Variants in ERBB4 observed in about 807,000 individuals in gnomAD.
ERBB4 encodes the protein erb-b2 receptor tyrosine kinase 4.
In ERBB4, 42 loss-of-function variants were observed where a neutral mutation model predicts 158.0. The ratio of observed to expected loss-of-function variants is 0.27; its 90% confidence interval spans 0.21 to 0.34. ERBB4 has a LOEUF of 0.34. Ranked by LOEUF, ERBB4 falls within the 10% of genes least tolerant of loss-of-function variation. The pLI is 1.00. For synonymous variants in ERBB4, 583 were observed against 558.7 expected (o/e 1.04, Z -0.61); for missense variants, 1,333 against 1,624.1 (o/e 0.82, Z 3.08).
At chr2:211,551,182 G>A (rs761540264) in intron 20 of ERBB4, among the ~76,000 whole-genome samples, 1 of 152,150 alleles carries the variant, frequency 6.6e-6, no homozygotes, top group Non-Finnish European at 1.5e-5. Flanking sequence ...CCCTGGTAGA[G>A]TCACTGAAGC....
At chr2:211,735,222 TA>T (rs67997650) in intron 5 of ERBB4, among the ~76,000 whole-genome samples, 5 of 150,428 alleles carry the variant, frequency 3.3e-5, no homozygotes, top group South Asian at 2.1e-4. Flanking sequence ...CACATGAATT[TA>T]AAAAAAAAAC....
intron 3 of ERBB4, among the ~76,000 whole-genome samples, chr2:211,859,089 T>C (rs1408292792): frequency 6.6e-6 from 1 of 152,194 alleles, no homozygotes; most frequent in Admixed American, 6.5e-5. Flanking sequence ...GCCGGCAATG[T>C]ATCTTTTAAT....
intron 4 of ERBB4, among the ~76,000 whole-genome samples, chr2:211,768,244 G>A (rs2075604583): frequency 6.6e-6 from 1 of 151,118 alleles, no homozygotes; most frequent in South Asian, 2.1e-4. Flanking sequence ...GGGCAGCTCT[G>A]CCCCTGTGGC....
chr2:212,492,083 G>A (rs900428378), intron 1 of ERBB4, among the ~76,000 whole-genome samples: 16 of 151,360 alleles, frequency 1.1e-4, no homozygotes, highest in African/African-American at 9.7e-5. Flanking sequence ...CAAAAATAAC[G>A]TAAATTTGGT....
At chr2:211,449,259 T>C (rs1160583264) in intron 20 of ERBB4, among the ~76,000 whole-genome samples, 1 of 152,156 alleles carries the variant, frequency 6.6e-6, no homozygotes, top group Non-Finnish European at 1.5e-5. Flanking sequence ...GTAATATTAG[T>C]AGCAGAATAC....
chr2:211,888,746 G>A (rs1159716633), intron 3 of ERBB4, among the ~76,000 whole-genome samples: 1 of 152,062 alleles, frequency 6.6e-6, no homozygotes, highest in African/African-American at 2.4e-5. Context: ...GGAAGCGCGA[G>A]GGGTCAGGGA....
At chr2:212,140,390 T>C (rs182653484) in intron 1 of ERBB4, among the ~76,000 whole-genome samples, 57 of 121,198 alleles carry the variant, frequency 4.7e-4, no homozygotes, top group African/African-American at 2.6e-3. Context: ...TTTATGTATC[T>C]ATAGTAATAT....
intron 3 of ERBB4, among the ~76,000 whole-genome samples, chr2:211,852,208 C>A (rs947253102): frequency 1.3e-5 from 2 of 151,860 alleles, no homozygotes; most frequent in African/African-American, 4.8e-5. Context: ...CCATACATTG[C>A]CCCATGTTGA....
At chr2:212,515,699 T>TA (rs753797029) in intron 1 of ERBB4, among the ~76,000 whole-genome samples, 7 of 151,878 alleles carry the variant, frequency 4.6e-5, no homozygotes, top group East Asian at 1.9e-4. Context: ...ACTTAAATTT[T>TA]AAAAAAACAA....
intron 1 of ERBB4, among the ~76,000 whole-genome samples, chr2:212,144,546 C>T (rs2080599321): frequency 6.6e-6 from 1 of 152,158 alleles, no homozygotes. Context: ...CAACTATTGC[C>T]TAAAGGATTT....
chr2:212,451,151 G>A (rs945916735), intron 1 of ERBB4, among the ~76,000 whole-genome samples: 2 of 152,082 alleles, frequency 1.3e-5, no homozygotes, highest in Non-Finnish European at 2.9e-5. Flanking sequence ...GTCCAGTTGG[G>A]GAGAAGGCCG....
intron 2 of ERBB4, among the ~76,000 whole-genome samples, chr2:212,037,858 G>A (rs1450919745): frequency 6.6e-6 from 1 of 152,160 alleles, no homozygotes; most frequent in Non-Finnish European, 1.5e-5. Flanking sequence ...ATAAAGTTTA[G>A]ATGGACACCG....
At chr2:211,625,143 T>G (rs1559359303) in intron 17 of ERBB4, among the ~76,000 whole-genome samples, 3 of 152,074 alleles carry the variant, frequency 2.0e-5, no homozygotes, top group Non-Finnish European at 2.9e-5. Context: ...AAATTTTAGG[T>G]TTTTATCTAT....
intron 2 of ERBB4, among the ~76,000 whole-genome samples, chr2:212,116,453 G>T (rs1322439752): frequency 1.3e-5 from 2 of 152,072 alleles, no homozygotes; most frequent in Non-Finnish European, 2.9e-5. Flanking sequence ...TTTATTTATT[G>T]TTGTTTTTTC....
chr2:212,448,878 T>C (rs1419663632), intron 1 of ERBB4, among the ~76,000 whole-genome samples: 15 of 152,190 alleles, frequency 9.9e-5, no homozygotes, highest in Non-Finnish European at 2.9e-5. Context: ...CATCCTCTCA[T>C]ACTCCCAGGT....
At position 212,303,240 on chromosome 2, in the gene ERBB4, G is replaced by T. The variant is rs1313235088; in HGVS notation, c.83-178337C>A. Reference sequence around the variant, plus strand: ...TCTCCATATTTCTGTCTCCTTCAGTGCTTAATGGATTAGGGAGCTTCAGAC... The same window carrying T: ...TCTCCATATTTCTGTCTCCTTCAGTTCTTAATGGATTAGGGAGCTTCAGAC... On this transcript the variant is annotated intron_variant, in intron 1 of 27. Transcript: ENST00000342788. Among the ~76,000 whole-genome samples the T allele has an allele frequency of 5.9e-5, 9 of 151,446 alleles. No homozygotes were observed. In the East Asian group the frequency reaches 1.4e-3, roughly 23 times the overall value.
chr2:211,442,736 T>TAC (rs958205357), intron 20 of ERBB4, among the ~76,000 whole-genome samples: 1 of 151,376 alleles, frequency 6.6e-6, no homozygotes, highest in Non-Finnish European at 1.5e-5. Context: ...CATATGTGTA[T>TAC]ATATATATGA....
chr2:211,945,172 G>T (rs567044274), intron 3 of ERBB4, among the ~76,000 whole-genome samples: 1 of 152,094 alleles, frequency 6.6e-6, no homozygotes, highest in East Asian at 1.9e-4. Flanking sequence ...TTAAGATTTT[G>T]CCATAGAGAA....
chr2:212,085,520 A>AC (rs2078577545), intron 2 of ERBB4, among the ~76,000 whole-genome samples: 2 of 151,996 alleles, frequency 1.3e-5, no homozygotes, highest in Admixed American at 1.3e-4. Flanking sequence ...CTGGAGCCTG[A>AC]CACCTGACTG....
Sources: gnomAD v4.1 joint callset for allele counts (sites outside exome capture counted in the v4.1 genomes callset) on GRCh38, gnomAD v4.1.1 for gene constraint, MANE v1.5 for transcripts, NCBI Gene and HGNC (gene_info 2026-07-23, HGNC 2026-07-21) for gene names.